Variants in FILIP1L observed in about 807,000 individuals in gnomAD.
The protein encoded by FILIP1L is filamin A-interacting protein 1-like.
A neutral mutation model predicts 96.6 loss-of-function variants in FILIP1L; 55 were observed. The ratio of observed to expected loss-of-function variants is 0.57; its 90% CI spans 0.46 to 0.71. FILIP1L has a LOEUF of 0.71. Ranked by LOEUF, FILIP1L falls within the 30% of genes least tolerant of loss-of-function variation. The pLI is 0.00. For synonymous variants in FILIP1L, 467 were observed against 473.9 expected (o/e 0.99, Z 0.19); for missense variants, 1,304 against 1,321.2 (o/e 0.99, Z 0.20).
At chr3:99,907,711 G>A (rs918414787) in intron 4 of FILIP1L, among the ~76,000 whole-genome samples, 3 of 152,004 alleles carry the variant, frequency 2.0e-5, no homozygotes, top group Non-Finnish European at 2.9e-5. Flanking sequence ...ATGCTATTAA[G>A]TCCACCTATA....
chr3:99,901,474 A>G (rs1413684178), intron 4 of FILIP1L, among the ~76,000 whole-genome samples: 1 of 152,232 alleles, frequency 6.6e-6, no homozygotes, highest in Admixed American at 6.5e-5. Context: ...ACTGAACAAA[A>G]TGCCTCAGAA....
chr3:99,883,739 T>C (rs1186315809), intron 4 of FILIP1L, among the ~76,000 whole-genome samples: 3 of 152,180 alleles, frequency 2.0e-5, no homozygotes, highest in African/African-American at 7.2e-5. Context: ...AAAACAATAA[T>C]AGGTGACACA....
rs760939603 is a variant in FILIP1L, at chr3:99,850,049, T to A, written c.1627A>T (p.Thr543Ser). The A allele has an allele frequency of 2.5e-6, 4 of 1,611,236 alleles. No individual in the cohort carries two copies. Among genetic ancestry groups the A allele is most frequent in the Middle Eastern group, 1.7e-4 (1 of 6,054 alleles). ...GTTTTGGACTTGAGCGCCCTTTTAG[T>A]TTCCTCAATTAACTTCTCAGTAACT... Reference protein sequence around the residue: ...TTVTEKLIEETKRALKSKTDV... With the variant: ...TTVTEKLIEESKRALKSKTDV... The change falls in exon 5 of 6, where the codon ACT becomes TCT. Residue 543 changes from threonine (T) to serine (S), a missense_variant. Coordinates refer to ENST00000477258, the MANE Select transcript of FILIP1L (RefSeq NM_001387850.1).
At chr3:99,986,674 A>G (rs1359550403) in intron 1 of FILIP1L, among the ~76,000 whole-genome samples, 1 of 152,160 alleles carries the variant, frequency 6.6e-6, no homozygotes, top group Non-Finnish European at 1.5e-5. Flanking sequence ...GTGTGGGCCT[A>G]AGAACTCAAG....
intron 1 of FILIP1L, among the ~76,000 whole-genome samples, chr3:99,972,914 T>C (rs1216534807): frequency 2.6e-5 from 4 of 152,222 alleles, no homozygotes; most frequent in African/African-American, 9.6e-5. Context: ...GAGGGTTTGT[T>C]ACAAGGAAGT....
At position 99,930,922 on chromosome 3, in the gene FILIP1L, A is replaced by C. The variant is rs376871388; in HGVS notation, c.99T>G (p.His33Gln). The C allele has an allele frequency of 1.2e-6, 2 of 1,613,554 alleles. No homozygotes were observed. Among genetic ancestry groups the C allele is most frequent in the Non-Finnish European group, 1.7e-6 (2 of 1,179,888 alleles). The change falls in exon 2 of 6, where the codon CAT becomes CAG. Residue 33 changes from histidine to glutamine, a missense_variant. By Grantham distance (24) the His-to-Gln change is conservative. Coordinates refer to ENST00000477258, the MANE Select transcript of FILIP1L (RefSeq NM_001387850.1). ...TGGGGGAGTCTTTGTCTTGCTGTCT[A>C]TGCTTCATGTTTTTAGGCCCTTGGA... The part of the protein sequence containing the change: ...HSFQGPKNMK[H>Q]RQQDKDSPSE...
chr3:100,094,164 G>T (rs775021279), intron 1 of FILIP1L, among the ~76,000 whole-genome samples: 2 of 152,042 alleles, frequency 1.3e-5, no homozygotes, highest in Non-Finnish European at 2.9e-5. Flanking sequence ...ATTTTCATTT[G>T]CATTTCCCTA....
At chr3:99,883,729 A>G (rs1576546223) in intron 4 of FILIP1L, among the ~76,000 whole-genome samples, 1 of 152,342 alleles carries the variant, frequency 6.6e-6, no homozygotes, top group African/African-American at 2.4e-5. Flanking sequence ...AATAATAACA[A>G]AAACAATAAT....
At chr3:99,885,077 A>G (rs1705849886) in intron 4 of FILIP1L, among the ~76,000 whole-genome samples, 1 of 152,224 alleles carries the variant, frequency 6.6e-6, no homozygotes, top group East Asian at 1.9e-4. Context: ...GCAGTCAACT[A>G]TAGGCTCAGT....
intron 4 of FILIP1L, among the ~76,000 whole-genome samples, chr3:99,916,771 C>G (rs903352267): frequency 6.6e-6 from 1 of 152,174 alleles, no homozygotes; most frequent in African/African-American, 2.4e-5. Flanking sequence ...ATGCTTTTAA[C>G]TCTGATACCC....
intron 1 of FILIP1L, among the ~76,000 whole-genome samples, chr3:99,993,714 T>C (rs1406953340): frequency 6.6e-6 from 1 of 152,220 alleles, no homozygotes; most frequent in African/African-American, 2.4e-5. Flanking sequence ...CAAATGCTTT[T>C]TCTGTGTATA....
chr3:99,896,410 T>G (rs759454148), intron 4 of FILIP1L, among the ~76,000 whole-genome samples: 1 of 152,208 alleles, frequency 6.6e-6, no homozygotes, highest in Non-Finnish European at 1.5e-5. Flanking sequence ...AGTACAGCAT[T>G]TCTGTGTGTG....
chr3:99,949,540 A>C (rs1440460318), intron 1 of FILIP1L, among the ~76,000 whole-genome samples: 1 of 152,208 alleles, frequency 6.6e-6, no homozygotes, highest in Non-Finnish European at 1.5e-5. Flanking sequence ...AGTTGAAAGA[A>C]GGAAAAACAA....
chr3:99,947,121 G>GA (rs1708033218), intron 1 of FILIP1L, among the ~76,000 whole-genome samples: 1 of 122,934 alleles, frequency 8.1e-6, no homozygotes, highest in Non-Finnish European at 1.6e-5. Flanking sequence ...CTGGGCGACA[G>GA]AGCAAGACTC....
intron 1 of FILIP1L, among the ~76,000 whole-genome samples, chr3:99,973,843 T>A (rs1015848339): frequency 6.6e-6 from 1 of 152,182 alleles, no homozygotes; most frequent in South Asian, 2.1e-4. Flanking sequence ...TTGTTGTTGG[T>A]GGTGGGTGGA....
intron 1 of FILIP1L, among the ~76,000 whole-genome samples, chr3:99,975,585 CAA>C (rs879922288): frequency 1.8e-5 from 2 of 113,724 alleles, no homozygotes. Flanking sequence ...GACTCCGTCT[CAA>C]AAAAAAAAAA....
chr3:100,023,738 C>T (rs930190861), intron 1 of FILIP1L, among the ~76,000 whole-genome samples: 10 of 152,094 alleles, frequency 6.6e-5, no homozygotes, highest in Admixed American at 1.3e-4. Context: ...CAGGCCTGGT[C>T]TCGCCATTGC....
At chr3:99,948,573 G>A (rs1708081546) in intron 1 of FILIP1L, among the ~76,000 whole-genome samples, 1 of 144,924 alleles carries the variant, frequency 6.9e-6, no homozygotes, top group Non-Finnish European at 1.5e-5. Flanking sequence ...AGAAGGCGAA[G>A]GAGAAGAAAG....
At chr3:99,974,543 C>A (rs1391072137) in intron 1 of FILIP1L, among the ~76,000 whole-genome samples, 1 of 152,078 alleles carries the variant, frequency 6.6e-6, no homozygotes, top group African/African-American at 2.4e-5. Flanking sequence ...AACCCCGTCT[C>A]TACTAAAAAT....
Sources: gnomAD v4.1 joint callset for allele counts (sites outside exome capture counted in the v4.1 genomes callset) on GRCh38, gnomAD v4.1.1 for gene constraint, MANE v1.5 for transcripts, NCBI Gene and HGNC (gene_info 2026-07-23, HGNC 2026-07-21) for gene names.